LSM14A: variants seen among roughly 807,000 people sequenced by gnomAD.
LSM14A encodes the protein protein LSM14 homolog A.
LSM14A carries 14 observed loss-of-function variants against 52.4 expected under a neutral mutation model. The ratio of observed to expected loss-of-function variants is 0.27; its 90% CI spans 0.18 to 0.42. The LOEUF (loss-of-function observed/expected upper bound fraction) is 0.42. Ranked by LOEUF, LSM14A falls within the 10% of genes least tolerant of loss-of-function variation. The pLI is 1.00. For missense variants in LSM14A, 417 were observed against 581.8 expected (o/e 0.72, Z 2.91); for synonymous variants, 185 against 200.3 (o/e 0.92, Z 0.64).
intron 1 of LSM14A, among the ~76,000 whole-genome samples, chr19:34,193,990 G>A (rs2070656004): frequency 6.6e-6 from 1 of 152,250 alleles, no homozygotes; most frequent in Non-Finnish European, 1.5e-5. Context: ...GTGCAAAATA[G>A]CAAGACCTCA....
At chr19:34,222,667 A>G (rs2073127657) in intron 9 of LSM14A, among the ~76,000 whole-genome samples, 1 of 152,212 alleles carries the variant, frequency 6.6e-6, no homozygotes, top group African/African-American at 2.4e-5. Flanking sequence ...GATCAGTATT[A>G]GTGGCTTTTG....
chr19:34,204,548 CAA>C (rs34920125), intron 3 of LSM14A, among the ~76,000 whole-genome samples: 9 of 123,390 alleles, frequency 7.3e-5, no homozygotes, highest in Admixed American at 8.6e-5. Context: ...CTTGTCTCTG[CAA>C]AAAAAAAAAA....
At chr19:34,226,114 G>A (rs2073324331) in intron 9 of LSM14A, among the ~76,000 whole-genome samples, 1 of 151,772 alleles carries the variant, frequency 6.6e-6, no homozygotes, top group Non-Finnish European at 1.5e-5. Context: ...TTGGTTGTAT[G>A]GTGTTTTCCC....
chr19:34,176,506 C>T (rs1257494518), intron 1 of LSM14A, among the ~76,000 whole-genome samples: 2 of 152,166 alleles, frequency 1.3e-5, no homozygotes, highest in African/African-American at 4.8e-5. Context: ...GTTCTTCTGA[C>T]ATTTATAGTT....
rs766106780 is a variant in LSM14A at position 34,219,430 on chromosome 19, G to T, written c.821G>T (p.Gly274Val). Residue 274 changes from glycine (G) to valine (V), a missense_variant, in exon 7 of 10, where the codon GGT becomes GTT. Transcript: ENST00000544216. The stretch of plus-strand genomic sequence containing the variant: ...TCAGCTCCAAGGAGAGGGCGTGGGG[G>T]TCATCGGGGTGGCAGGGGAAGATTT... ...APSAPRRGRGGHRGGRGRFGI... is the reference protein window; with the variant it reads ...APSAPRRGRGVHRGGRGRFGI... 7.4e-6 allele frequency: 12 copies of T among 1,613,836 alleles called. No homozygotes were observed. The highest frequency in any genetic ancestry group is 8.5e-6 in the Non-Finnish European group (10 of 1,179,856).
In LSM14A at chr19:34,221,750, T is replaced by C; in HGVS notation, c.1368+12T>C. On this transcript the variant is annotated intron_variant, in intron 9 of 9. Coordinates refer to ENST00000544216, the MANE Select transcript of LSM14A (RefSeq NM_015578.4). ...ATTTTGAATATAGGGTAAGTGTTAC[T>C]GTTAATAAATTCTTTGGGGTTGACA... 2 of 1,588,800 alleles carry C rather than the reference T, an allele frequency of 1.3e-6. No individual in the cohort carries two copies. Among genetic ancestry groups the C allele is most frequent in the African/African-American group, 1.3e-5 (1 of 74,298 alleles).
intron 6 of LSM14A, among the ~76,000 whole-genome samples, chr19:34,218,490 G>GC (rs1434752948): frequency 6.6e-6 from 1 of 152,190 alleles, no homozygotes; most frequent in African/African-American, 2.4e-5. Flanking sequence ...TCAGCAAACA[G>GC]CGCAAACCTA....
rs980723375 is a variant in LSM14A at position 34,228,555 on chromosome 19, T to C, written c.*1167T>C. ...GGTAGCCTGTAACACACGGCAACACTGGTCCTTGGGCCTATGATGACCCAC... is the reference window on the plus strand; with the variant it reads ...GGTAGCCTGTAACACACGGCAACACCGGTCCTTGGGCCTATGATGACCCAC... On this transcript the variant is annotated 3_prime_UTR_variant, in exon 10 of 10. Transcript: ENST00000544216. The C allele has an allele frequency of 7.4e-6, 1 of 135,798 alleles. No individual in the cohort carries two copies. Among genetic ancestry groups the C allele is most frequent in the African/African-American group, 2.8e-5 (1 of 35,850 alleles). The allele number at this position is 135,798 out of a possible 1,614,324, so 8.4% of individuals were successfully genotyped here.
intron 1 of LSM14A, among the ~76,000 whole-genome samples, chr19:34,180,806 T>A (rs1239555101): frequency 6.6e-6 from 1 of 152,172 alleles, no homozygotes; most frequent in Non-Finnish European, 1.5e-5. Context: ...TCAACACAGA[T>A]GTGCTGACCA....
intron 3 of LSM14A, among the ~76,000 whole-genome samples, chr19:34,205,702 G>A (rs1461610869): frequency 2.0e-5 from 3 of 151,510 alleles, no homozygotes; most frequent in East Asian, 1.9e-4. Flanking sequence ...TGGTGAGGAC[G>A]CCAGGGGACA....
intron 1 of LSM14A, among the ~76,000 whole-genome samples, chr19:34,178,414 A>G (rs1039455533): frequency 4.6e-5 from 7 of 152,168 alleles, no homozygotes; most frequent in Non-Finnish European, 1.0e-4. Context: ...CAACCTAGAA[A>G]GGCTTTGATG....
intron 9 of LSM14A, among the ~76,000 whole-genome samples, chr19:34,225,917 G>T (rs1205110492): frequency 3.3e-5 from 5 of 151,996 alleles, no homozygotes; most frequent in Non-Finnish European, 7.4e-5. Context: ...TTAAAAATTA[G>T]CTGGAGTGGT....
chr19:34,194,434 G>A (rs1196068135), intron 1 of LSM14A, 44 bp from the exon 2 acceptor site: 2 of 1,547,496 alleles, frequency 1.3e-6, no homozygotes, highest in Non-Finnish European at 1.8e-6. Context: ...CTACCTGAAT[G>A]TGATGAGTAG....
In LSM14A at chr19:34,202,677, A is replaced by G. The variant is rs1040296465; in HGVS notation, c.415+5914A>G. Among the ~76,000 whole-genome samples the G allele has an allele frequency of 2.0e-5, 3 of 152,054 alleles. No homozygotes were observed. The East Asian group carries it at 5.8e-4, about 29-fold the overall frequency. The stretch of plus-strand genomic sequence containing the variant: ...AGAATAATATACCAGGTAGAATTAA[A>G]GGACTCACTCTGTTGCTGCCCAGGC... On this transcript the variant is annotated intron_variant, in intron 3 of 9. Coordinates refer to ENST00000544216, the MANE Select transcript of LSM14A (RefSeq NM_015578.4).
rs114623551 is a variant in LSM14A, at chr19:34,179,156, A to G, written c.121+6393A>G. ...AAGAGACTTTATGAAGAACGATTAT[A>G]TAAGCCACTTGCCTTTAAAATAAGT... On this transcript the variant is annotated intron_variant, in intron 1 of 9. Coordinates refer to ENST00000544216, the MANE Select transcript of LSM14A (RefSeq NM_015578.4). Among the ~76,000 whole-genome samples the G allele has an allele frequency of 9.2e-3, 1,409 of 152,366 alleles. 32 individuals carry two copies. The highest frequency in any genetic ancestry group is 0.032 in the African/African-American group (1,340 of 41,586).
chr19:34,226,538 T>G, intron 9 of LSM14A: 2 of 1,284,584 alleles, frequency 1.6e-6, no homozygotes. Flanking sequence ...TTGTAGCTCA[T>G]TGCTGTCAAC....
intron 3 of LSM14A, among the ~76,000 whole-genome samples, chr19:34,205,855 T>C (rs1197551575): frequency 6.6e-6 from 1 of 152,162 alleles, no homozygotes; most frequent in African/African-American, 2.4e-5. Flanking sequence ...GTTTTTTTAT[T>C]TTTTATTTTT....
At chr19:34,225,187 T>G (rs2073277117) in intron 9 of LSM14A, among the ~76,000 whole-genome samples, 1 of 152,210 alleles carries the variant, frequency 6.6e-6, no homozygotes, top group East Asian at 1.9e-4. Context: ...CTTGTCATGT[T>G]GATTAGGAAT....
intron 1 of LSM14A, among the ~76,000 whole-genome samples, chr19:34,184,343 G>A (rs577009697): frequency 2.6e-5 from 4 of 152,280 alleles, no homozygotes; most frequent in Admixed American, 6.5e-5. Context: ...ATGAGCCACT[G>A]CGCCCAGCCT....
Sources: allele counts gnomAD v4.1 joint callset (sites outside exome capture counted in the v4.1 genomes callset), GRCh38; gene constraint gnomAD v4.1.1; transcripts MANE v1.5; gene names NCBI Gene and HGNC (gene_info 2026-07-23, HGNC 2026-07-21).